Variants in SFRP1 observed in about 807,000 individuals in gnomAD.
SFRP1 encodes the protein secreted frizzled related protein 1.
SFRP1 carries 9 observed loss-of-function variants against 25.9 expected under a neutral mutation model. The observed-to-expected ratio is 0.35, with a 90% CI of 0.21 to 0.61. The LOEUF (loss-of-function observed/expected upper bound fraction) is 0.61, where lower values mean the gene tolerates loss of function less well. SFRP1 is among the 20% of genes least tolerant of loss of function. SFRP1 has a pLI of 0.78. For missense variants in SFRP1, 346 were observed against 418.2 expected, an observed-to-expected ratio of 0.83 and a Z score of 1.51; for synonymous variants, 178 against 174.0, an observed-to-expected ratio of 1.02 and a Z score of -0.18.
intron 2 of SFRP1, among the ~76,000 whole-genome samples, chr8:41,286,109 C>A (rs938388122): frequency 6.6e-6 from 1 of 151,988 alleles, no homozygotes; most frequent in Admixed American, 6.6e-5. Context: ...TTCCAAAGAG[C>A]GTCGGGAATG....
At chr8:41,284,064 T>C (rs879382051) in intron 2 of SFRP1, among the ~76,000 whole-genome samples, 1 of 152,118 alleles carries the variant, frequency 6.6e-6, no homozygotes, top group Non-Finnish European at 1.5e-5. Flanking sequence ...ACTTTAAGAT[T>C]GTCAGCAAGT....
At chr8:41,290,375 A>G (rs1803760623) in intron 2 of SFRP1, among the ~76,000 whole-genome samples, 1 of 152,136 alleles carries the variant, frequency 6.6e-6, no homozygotes, top group East Asian at 1.9e-4. Flanking sequence ...GCCCTCATAA[A>G]TGCCATTCCC....
At chr8:41,307,087 C>T in intron 1 of SFRP1, 1 of 1,286,444 alleles carries the variant, frequency 7.8e-7, no homozygotes, top group East Asian at 2.8e-5. Context: ...GGCTAATCCC[C>T]GCTGGCTGAG....
chr8:41,268,025 A>C (rs1197214091), intron 2 of SFRP1, among the ~76,000 whole-genome samples: 1 of 152,218 alleles, frequency 6.6e-6, no homozygotes, highest in African/African-American at 2.4e-5. Context: ...TGAAAGCTTT[A>C]TTATTTAATA....
In SFRP1 at chr8:41,274,976, C is replaced by T. The variant is rs1018632500; in HGVS notation, c.623-9487G>A. The T allele has an allele frequency of 1.3e-5, 4 of 299,286 alleles. No homozygotes were observed. The East Asian group carries it at 5.4e-4, about 41-fold the overall frequency. The allele number at this position is 299,286 out of a possible 1,614,324, so 18.5% of individuals were successfully genotyped here. On this transcript the variant is annotated intron_variant, in intron 2 of 2. Transcript: ENST00000220772. ...TTCTTAAGGGTTTTGATTAAGAATT[C>T]TGCTTTCTCAACCAGCTTTTTGTTG...
intron 2 of SFRP1, among the ~76,000 whole-genome samples, chr8:41,301,086 C>A (rs7824131): frequency 1.3e-5 from 2 of 151,956 alleles, no homozygotes; most frequent in Non-Finnish European, 2.9e-5. Flanking sequence ...CACAGAGGCT[C>A]CCGGAGACCA....
At position 41,264,319 on chromosome 8, in the gene SFRP1, A is replaced by T. The variant is rs1228482093; in HGVS notation, c.*848T>A. On this transcript the variant is annotated 3_prime_UTR_variant, in exon 3 of 3. Transcript: ENST00000220772. ...GCTGGACTGTTCTAAAATTTTTTTC[A>T]TTTGTTTCTTTTTTAACTATGTGTT... 1 of 152,098 alleles carries T rather than the reference A, an allele frequency of 6.6e-6. No homozygotes were observed. Among genetic ancestry groups the T allele is most frequent in the Non-Finnish European group, 1.5e-5 (1 of 67,990 alleles). The allele number at this position is 152,098 out of a possible 1,614,324, so 9.4% of individuals were successfully genotyped here. A position where few individuals can be genotyped will look rare whatever the true frequency, so the allele number is the denominator to read the frequency against.
rs537452424 is a variant in SFRP1, at chr8:41,271,331, C to A, written c.623-5842G>T. Reference sequence around the variant, plus strand: ...ATGGCAGAGACTGTAACATACAAAACAGAAAAGGAAGAAAAGGAATTCAGA... The same window carrying A: ...ATGGCAGAGACTGTAACATACAAAAAAGAAAAGGAAGAAAAGGAATTCAGA... On this transcript the variant is annotated intron_variant, in intron 2 of 2. Transcript: ENST00000220772. 54 of 153,650 alleles carry A rather than the reference C, an allele frequency of 3.5e-4. No homozygotes were observed. The South Asian group carries it at 0.01, about 30-fold the overall frequency. The allele number at this position is 153,650 out of a possible 1,614,324, so 9.5% of individuals were successfully genotyped here. A position where few individuals can be genotyped will look rare whatever the true frequency, so the allele number is the denominator to read the frequency against.
intron 1 of SFRP1, 56 bp from the exon 2 acceptor site, chr8:41,303,594 A>AGTTGCT: frequency 6.9e-7 from 1 of 1,440,850 alleles, no homozygotes; most frequent in Admixed American, 1.7e-5. Context: ...GGAAGGGAGC[A>AGTTGCT]GCCCCTGGGG....
At chr8:41,304,119 C>T (rs540142191) in intron 1 of SFRP1, among the ~76,000 whole-genome samples, 4 of 152,196 alleles carry the variant, frequency 2.6e-5, no homozygotes, top group Non-Finnish European at 5.9e-5. Context: ...GGGTGGGGCA[C>T]TAACAGGCGC....
At chr8:41,301,189 T>C (rs777237728) in intron 2 of SFRP1, among the ~76,000 whole-genome samples, 20 of 152,320 alleles carry the variant, frequency 1.3e-4, no homozygotes, top group Non-Finnish European at 2.2e-4. Context: ...AGCAACCTGA[T>C]GTCTTCCCAC....
chr8:41,265,948 C>T (rs2117476230), intron 2 of SFRP1, among the ~76,000 whole-genome samples: 1 of 152,220 alleles, frequency 6.6e-6, no homozygotes, highest in East Asian at 1.9e-4. Context: ...GGTAGATCCT[C>T]TGAGGTCAGG....
Position 41,276,187 on chromosome 8 carries a change from A to T in SFRP1, c.623-10698T>A, listed in dbSNP as rs373494850. On this transcript the variant is annotated intron_variant, in intron 2 of 2. Transcript: ENST00000220772. ...AGGTGGAAAAGTCTGCTCAGATACC[A>T]AAGCCTCACTAAGCCATGAAGACAG... Among the ~76,000 whole-genome samples the T allele has an allele frequency of 3.4e-4, 52 of 152,278 alleles. 1 individual carries two copies. The highest frequency in any genetic ancestry group is 1.2e-3 in the African/African-American group (49 of 41,552).
chr8:41,290,857 C>T (rs1803767280), intron 2 of SFRP1, among the ~76,000 whole-genome samples: 2 of 100,170 alleles, frequency 2.0e-5, no homozygotes, highest in African/African-American at 3.5e-5. Flanking sequence ...TTAATGAGGT[C>T]TTTGTCTTCT....
chr8:41,289,211 TCA>T (rs1191874175), intron 2 of SFRP1, among the ~76,000 whole-genome samples: 1 of 152,098 alleles, frequency 6.6e-6, no homozygotes, highest in East Asian at 1.9e-4. Context: ...AGAGAGCAAG[TCA>T]CAGAGTTTTT....
intron 2 of SFRP1, among the ~76,000 whole-genome samples, chr8:41,301,178 C>T (rs1426018661): frequency 6.6e-6 from 1 of 152,210 alleles, no homozygotes; most frequent in African/African-American, 2.4e-5. Context: ...GAGAGCCTTC[C>T]AGCAACCTGA....
chr8:41,306,966 C>A, intron 1 of SFRP1: 1 of 1,488,972 alleles, frequency 6.7e-7, no homozygotes, highest in Non-Finnish European at 8.9e-7. Context: ...CGCAGCCGAG[C>A]CCCCTAAGGT....
intron 2 of SFRP1, chr8:41,275,253 C>T (rs768801831): frequency 1.9e-5 from 8 of 428,926 alleles, no homozygotes; most frequent in South Asian, 4.9e-5. Flanking sequence ...AGTAGGAGAG[C>T]GAGAGGGGAT....
chr8:41,295,247 G>A (rs1052030248), intron 2 of SFRP1, among the ~76,000 whole-genome samples: 12 of 152,148 alleles, frequency 7.9e-5, no homozygotes, highest in Non-Finnish European at 1.3e-4. Context: ...TGTAATCCCA[G>A]CTACTCAGGA....
Sources: gnomAD v4.1 joint callset for allele counts (sites outside exome capture counted in the v4.1 genomes callset) on GRCh38, gnomAD v4.1.1 for gene constraint, MANE v1.5 for transcripts, NCBI Gene and HGNC (gene_info 2026-07-23, HGNC 2026-07-21) for gene names.